KCNH7: variants seen among roughly 807,000 people sequenced by gnomAD.
KCNH7 encodes the protein potassium voltage-gated channel subfamily H member 7, also known as voltage-gated inwardly rectifying potassium channel KCNH7.
Under a neutral mutation model 120.8 loss-of-function variants are expected in KCNH7, and 49 were observed. The ratio of observed to expected loss-of-function variants is 0.41; its 90% CI spans 0.32 to 0.51. The LOEUF is 0.51. Ranked by LOEUF, KCNH7 falls within the 20% of genes least tolerant of loss-of-function variation. The pLI is 0.38. For missense variants in KCNH7, 1,097 were observed against 1,446.6 expected (o/e 0.76, Z 3.92); for synonymous variants, 547 against 516.1 (o/e 1.06, Z -0.81).
intron 2 of KCNH7, among the ~76,000 whole-genome samples, chr2:162,759,742 A>G (rs914202746): frequency 6.6e-6 from 1 of 152,076 alleles, no homozygotes; most frequent in African/African-American, 2.4e-5. Flanking sequence ...GAAAGAGTAG[A>G]AAAAGAAAAA....
At chr2:162,709,688 A>G (rs1314528470) in intron 2 of KCNH7, among the ~76,000 whole-genome samples, 2 of 152,122 alleles carry the variant, frequency 1.3e-5, no homozygotes, top group African/African-American at 2.4e-5. Context: ...GGCAAACTCT[A>G]TCTTTAAGCC....
chr2:162,658,044 C>A (rs1472254531), intron 2 of KCNH7, among the ~76,000 whole-genome samples: 1 of 151,368 alleles, frequency 6.6e-6, no homozygotes. Flanking sequence ...TAGATTATTG[C>A]CTATATAAAT....
At chr2:162,823,130 A>C (rs1166489943) in intron 2 of KCNH7, among the ~76,000 whole-genome samples, 2 of 152,212 alleles carry the variant, frequency 1.3e-5, no homozygotes, top group African/African-American at 2.4e-5. Context: ...CTCAGATGGT[A>C]GCTGCTATGT....
At chr2:162,596,083 CT>C (rs1178585594) in intron 2 of KCNH7, among the ~76,000 whole-genome samples, 2 of 151,978 alleles carry the variant, frequency 1.3e-5, no homozygotes, top group African/African-American at 4.8e-5. Context: ...GAAAGAAATT[CT>C]GTGTCCTTTG....
chr2:162,633,305 A>G (rs1290483444), intron 2 of KCNH7, among the ~76,000 whole-genome samples: 1 of 151,954 alleles, frequency 6.6e-6, no homozygotes, highest in African/African-American at 2.4e-5. Flanking sequence ...CTAAGGTTGT[A>G]TAGTTACATG....
intron 8 of KCNH7, 29 bp downstream of exon 8, chr2:162,435,169 A>T (rs762036344): frequency 2.2e-5 from 34 of 1,575,678 alleles, no homozygotes; most frequent in Non-Finnish European, 2.8e-5. Context: ...ATTCTATCCT[A>T]ATAGACAACA....
intron 2 of KCNH7, among the ~76,000 whole-genome samples, chr2:162,586,502 G>A (rs1449591622): frequency 6.6e-6 from 1 of 151,982 alleles, no homozygotes; most frequent in Non-Finnish European, 1.5e-5. Flanking sequence ...TGGGAGTGAT[G>A]CCAGGTGAGT....
intron 2 of KCNH7, among the ~76,000 whole-genome samples, chr2:162,620,682 C>A (rs1408026377): frequency 6.6e-6 from 1 of 152,116 alleles, no homozygotes; most frequent in Non-Finnish European, 1.5e-5. Flanking sequence ...TGGGGTCTCA[C>A]AGATTCTCCT....
intron 2 of KCNH7, among the ~76,000 whole-genome samples, chr2:162,672,420 A>G (rs538423857): frequency 1.0e-3 from 158 of 152,172 alleles, no homozygotes; most frequent in African/African-American, 3.7e-3. Context: ...TCATGGCTCA[A>G]AGAAACAATA....
At chr2:162,601,909 G>C (rs1286696180) in intron 2 of KCNH7, among the ~76,000 whole-genome samples, 2 of 152,002 alleles carry the variant, frequency 1.3e-5, no homozygotes, top group African/African-American at 2.4e-5. Flanking sequence ...AGTGAAAGTA[G>C]TTTAGTTGTG....
At chr2:162,430,116 G>A (rs186245803) in intron 8 of KCNH7, among the ~76,000 whole-genome samples, 46 of 151,932 alleles carry the variant, frequency 3.0e-4, no homozygotes, top group African/African-American at 1.1e-3. Flanking sequence ...TCCTTTTGAA[G>A]CTTGCTGTTT....
At chr2:162,504,736 G>T in intron 5 of KCNH7, 79 bp from the exon 6 acceptor site, 1 of 860,512 alleles carries the variant, frequency 1.2e-6, no homozygotes, top group Non-Finnish European at 1.9e-6. Flanking sequence ...CCCTGCTAAT[G>T]ATTCCTGACC....
intron 7 of KCNH7, among the ~76,000 whole-genome samples, chr2:162,443,502 T>G (rs989262862): frequency 1.3e-5 from 2 of 152,206 alleles, no homozygotes; most frequent in Non-Finnish European, 2.9e-5. Flanking sequence ...CAAAAAATGT[T>G]TGCACCACCC....
intron 2 of KCNH7, among the ~76,000 whole-genome samples, chr2:162,820,033 CTTTTTTT>C (rs66809770): frequency 1.3e-5 from 1 of 77,040 alleles, no homozygotes; most frequent in African/African-American, 5.0e-5. Flanking sequence ...ATTCCATAAA[CTTTTTTT>C]TTTTTTTTTT....
intron 7 of KCNH7, among the ~76,000 whole-genome samples, chr2:162,437,543 C>A (rs981778640): frequency 2.6e-5 from 4 of 152,110 alleles, no homozygotes; most frequent in African/African-American, 9.7e-5. Context: ...GACTTTGGAA[C>A]AGACAAACTT....
chr2:162,815,074 T>G (rs1684871980), intron 2 of KCNH7, among the ~76,000 whole-genome samples: 1 of 152,170 alleles, frequency 6.6e-6, no homozygotes. Flanking sequence ...ATGAACTTTG[T>G]CTTTTTACTC....
chr2:162,702,555 T>C (rs568255504), intron 2 of KCNH7, among the ~76,000 whole-genome samples: 1 of 152,306 alleles, frequency 6.6e-6, no homozygotes, highest in South Asian at 2.1e-4. Flanking sequence ...TATCCCATGA[T>C]ATATTGTCTG....
At chr2:162,800,503 C>T (rs900635354) in intron 2 of KCNH7, among the ~76,000 whole-genome samples, 11 of 151,610 alleles carry the variant, frequency 7.3e-5, no homozygotes, top group Admixed American at 1.3e-4. Flanking sequence ...AAAACAGTAA[C>T]GTCACAATAC....
At chr2:162,662,849 C>G (rs967172866) in intron 2 of KCNH7, among the ~76,000 whole-genome samples, 1 of 152,066 alleles carries the variant, frequency 6.6e-6, no homozygotes, top group South Asian at 2.1e-4. Context: ...TTATTATGTG[C>G]ACAATAAATA....
Sources: allele counts gnomAD v4.1 joint callset (sites outside exome capture counted in the v4.1 genomes callset), GRCh38; gene constraint gnomAD v4.1.1; transcripts MANE v1.5; gene names NCBI Gene and HGNC (gene_info 2026-07-23, HGNC 2026-07-21).